Variants in PHF21A observed in about 807,000 individuals in gnomAD.
PHF21A encodes BHC80a.
In PHF21A, 11 loss-of-function variants were observed where a neutral mutation model predicts 82.5. The ratio of observed to expected loss-of-function variants is 0.13; its 90% CI spans 0.08 to 0.22. The LOEUF is 0.22. PHF21A is among the 10% of genes least tolerant of loss of function. The probability of loss-of-function intolerance (pLI) is 1.00; values close to 1 mark genes in which losing one functional copy is unlikely to be tolerated. For synonymous variants in PHF21A, 297 were observed against 302.8 expected (o/e 0.98, Z 0.20); for missense variants, 579 against 837.8 (o/e 0.69, Z 3.81).
chr11:45,933,823 T>C lies in PHF21A; in HGVS notation c.*145A>G. 1.4e-6 allele frequency: 1 copy of C among 728,474 alleles called. No individual in the cohort carries two copies. The highest frequency in any genetic ancestry group is 2.6e-5 in the South Asian group (1 of 37,968). 45.1% of individuals were successfully genotyped at this position (728,474 alleles called of 1,614,324 possible). ...TCAATTGGCAAACTCTGGTGCCACC[T>C]GGCACAAGCATCTTCTCTCTCTCTG... On this transcript the variant is annotated 3_prime_UTR_variant, in exon 19 of 19. Transcript: ENST00000676320.
At chr11:46,083,097 T>A (rs1031420358) in intron 4 of PHF21A, among the ~76,000 whole-genome samples, 4 of 152,128 alleles carry the variant, frequency 2.6e-5, no homozygotes, top group African/African-American at 9.7e-5. Flanking sequence ...TAAACTAATT[T>A]CACTCAGAAA....
At chr11:45,958,493 G>A (rs1184082901) in intron 10 of PHF21A, among the ~76,000 whole-genome samples, 4 of 133,716 alleles carry the variant, frequency 3.0e-5, no homozygotes, top group African/African-American at 8.4e-5. Flanking sequence ...AGGCATGGTG[G>A]TGCGCAACTG....
intron 6 of PHF21A, among the ~76,000 whole-genome samples, chr11:45,982,397 T>A (rs531908194): frequency 5.9e-5 from 9 of 152,208 alleles, no homozygotes; most frequent in South Asian, 2.1e-4. Context: ...TATTTTTTTT[T>A]AAATGATGCA....
At chr11:45,987,250 A>G (rs199772789) in intron 6 of PHF21A, among the ~76,000 whole-genome samples, 1 of 39,766 alleles carries the variant, frequency 2.5e-5, no homozygotes, top group African/African-American at 1.1e-4. Flanking sequence ...TATCATAAAT[A>G]AATGTATGTA....
rs2093662684 is a variant in PHF21A, at chr11:45,970,078, T to G, written c.613-174A>C. On this transcript the variant is annotated intron_variant, in intron 8 of 18. Transcript: ENST00000676320. ...GGAAACTTTTTAACTCTCCCACCTG[T>G]GTGCTTTACCCTATAAAATGAACCA... 4 of 598,744 alleles carry G rather than the reference T, an allele frequency of 6.7e-6. No individual in the cohort carries two copies. In the Admixed American group the frequency reaches 1.1e-4, roughly 17 times the overall value. 37.1% of individuals were successfully genotyped at this position (598,744 alleles called of 1,614,324 possible).
At position 46,076,818 on chromosome 11, in the gene PHF21A, T is replaced by C. The variant is rs1279658288; in HGVS notation, c.89A>G (p.Asn30Ser). ...LVAQMKQDPQ[N>S]ADLKKQLHEL... is the part of the protein sequence containing the mutation. ...ATGAAGCTGTTTCTTTAAGTCAGCA[T>C]TCTGATTGGAAAGAAAAAATATCTG... The change falls in exon 6 of 19, where the codon AAT (asparagine) becomes AGT (serine). Residue 30 changes from asparagine to serine, a missense_variant and splice_region_variant. Physicochemically the swap from Asn to Ser is conservative, Grantham distance 46 (BLOSUM62 1). Coordinates refer to ENST00000676320, the MANE Select transcript of PHF21A (RefSeq NM_001352027.3). 2 of 1,611,780 alleles carry C rather than the reference T, an allele frequency of 1.2e-6. No homozygotes were observed. The highest frequency in any genetic ancestry group is 1.7e-6 in the Non-Finnish European group (2 of 1,177,956).
At chr11:46,047,400 AT>A (rs975309477) in intron 6 of PHF21A, among the ~76,000 whole-genome samples, 182 of 151,892 alleles carry the variant, frequency 1.2e-3, no homozygotes, top group African/African-American at 4.1e-3. Flanking sequence ...GTATTTTATA[AT>A]TTTTTTTTAT....
chr11:46,073,343 A>G (rs2096678965), intron 6 of PHF21A, among the ~76,000 whole-genome samples: 1 of 151,650 alleles, frequency 6.6e-6, no homozygotes, highest in Admixed American at 6.6e-5. Flanking sequence ...AAAAAAAAAA[A>G]GTTGGATTCT....
chr11:45,991,791 CAAG>C, intron 6 of PHF21A, among the ~76,000 whole-genome samples: 1 of 152,214 alleles, frequency 6.6e-6, no homozygotes. Flanking sequence ...CTCTGAATGG[CAAG>C]AATACATTCC....
At chr11:46,100,789 A>G (rs1181808358) in intron 1 of PHF21A, among the ~76,000 whole-genome samples, 1 of 152,208 alleles carries the variant, frequency 6.6e-6, no homozygotes, top group Non-Finnish European at 1.5e-5. Context: ...AGTGACTCCT[A>G]ATGAACACGC....
intron 6 of PHF21A, among the ~76,000 whole-genome samples, chr11:45,980,439 G>A (rs1368058963): frequency 6.6e-6 from 1 of 152,164 alleles, no homozygotes; most frequent in Non-Finnish European, 1.5e-5. Flanking sequence ...AGGTTCTTAT[G>A]AGCACCAAAT....
At chr11:45,980,819 A>C (rs892275912) in intron 6 of PHF21A, among the ~76,000 whole-genome samples, 9 of 152,314 alleles carry the variant, frequency 5.9e-5, no homozygotes, top group African/African-American at 1.9e-4. Flanking sequence ...CATATAAACA[A>C]CACATTCTAA....
chr11:46,013,291 C>T (rs2095446992), intron 6 of PHF21A, among the ~76,000 whole-genome samples: 1 of 152,118 alleles, frequency 6.6e-6, no homozygotes, highest in Non-Finnish European at 1.5e-5. Flanking sequence ...TTAGAGTAGC[C>T]TGACGAAATC....
At chr11:46,115,505 T>C (rs7107550) in intron 1 of PHF21A, among the ~76,000 whole-genome samples, 81,039 of 151,998 alleles carry the variant, frequency 0.53, 22,957 homozygotes, top group South Asian at 0.66. Flanking sequence ...TTCAATGCAA[T>C]GTTAACATAT....
chr11:45,984,380 A>G (rs537246471), intron 6 of PHF21A, among the ~76,000 whole-genome samples: 1 of 152,210 alleles, frequency 6.6e-6, no homozygotes, highest in Admixed American at 6.5e-5. Context: ...TTCCCTTGAC[A>G]TTCGCATCAC....
chr11:45,964,985 A>G (rs1010727189), intron 10 of PHF21A, among the ~76,000 whole-genome samples: 2 of 152,170 alleles, frequency 1.3e-5, no homozygotes, highest in African/African-American at 4.8e-5. Context: ...CGAAACTAAC[A>G]TGGCGTTTTC....
chr11:46,084,045 C>T (rs2096826307), intron 4 of PHF21A, 121 bp downstream of exon 4: 13 of 687,278 alleles, frequency 1.9e-5, no homozygotes, highest in Non-Finnish European at 2.5e-5. Context: ...AACGACATGA[C>T]TCTTGGACAA....
intron 6 of PHF21A, among the ~76,000 whole-genome samples, chr11:46,065,665 A>C (rs1398081656): frequency 6.6e-6 from 1 of 152,250 alleles, no homozygotes; most frequent in East Asian, 1.9e-4. Context: ...CAGCTCAGAG[A>C]AATTCAATGG....
chr11:45,957,721 T>A (rs569532229), intron 10 of PHF21A, among the ~76,000 whole-genome samples: 1 of 53,404 alleles, frequency 1.9e-5, no homozygotes, highest in East Asian at 3.4e-4. Context: ...CTTTACACCT[T>A]AAGAAACAGA....
Sources: allele counts gnomAD v4.1 joint callset (sites outside exome capture counted in the v4.1 genomes callset), GRCh38; gene constraint gnomAD v4.1.1; transcripts MANE v1.5; gene names NCBI Gene and HGNC (gene_info 2026-07-23, HGNC 2026-07-21).